The following ZNF750 variants were observed in gnomAD, a reference collection of about 807,000 sequenced individuals.
The protein encoded by ZNF750 is protein ZNF750.
ZNF750 carries 10 observed loss-of-function variants against 31.6 expected under a neutral mutation model. The observed-to-expected ratio is 0.32, with a 90% CI of 0.19 to 0.54. The LOEUF (loss-of-function observed/expected upper bound fraction) is 0.54, where lower values mean the gene tolerates loss of function less well. ZNF750 is among the 20% of genes least tolerant of loss of function. The pLI is 0.95. For synonymous variants in ZNF750, 400 were observed against 404.9 expected (o/e 0.99, Z 0.15); for missense variants, 914 against 934.9 (o/e 0.98, Z 0.29).
chr17:82,838,668 C>G, intron 1 of ZNF750: 2 of 985,442 alleles, frequency 2.0e-6, no homozygotes, highest in Non-Finnish European at 2.4e-6. Flanking sequence ...GACTGCCACT[C>G]CCTCCCAGCC....
intron 1 of ZNF750, among the ~76,000 whole-genome samples, chr17:82,836,722 CAAAA>C (rs869104270): frequency 7.2e-4 from 109 of 150,450 alleles, no homozygotes; most frequent in African/African-American, 2.5e-3. Context: ...AACCAAAAAA[CAAAA>C]AAACAAAAAA....
At chr17:82,834,395 A>G (rs1030184085) in intron 1 of ZNF750, among the ~76,000 whole-genome samples, 1 of 152,240 alleles carries the variant, frequency 6.6e-6, no homozygotes, top group Non-Finnish European at 1.5e-5. Flanking sequence ...ATTCGTATTA[A>G]AAATGTAAAA....
chr17:82,831,918 G>A lies in ZNF750; in HGVS notation c.537C>T (p.Pro179=), dbSNP rs948959982. 3.7e-6 allele frequency: 6 copies of A among 1,614,168 alleles called. No homozygotes were observed. Among genetic ancestry groups the A allele is most frequent in the Middle Eastern group, 1.6e-4 (1 of 6,062 alleles). ...TGGGGTTGTGTAAAGCCAGTGTCTC[G>A]GGCGCCTCGGCGTTGTCTGGCCCCT... ...RLKGPDNAEA[P]ETLALHNPTA... Residue 179 remains proline, a synonymous_variant, in exon 2 of 3, where the codon CCC becomes CCT. Coordinates refer to ENST00000269394, the MANE Select transcript of ZNF750 (RefSeq NM_024702.3). The surrounding 1 kb of genome is among the most constrained non-coding windows in gnomAD (Gnocchi z 4.6).
intron 1 of ZNF750, among the ~76,000 whole-genome samples, chr17:82,834,031 G>A (rs532184735): frequency 1.3e-5 from 2 of 151,862 alleles, no homozygotes; most frequent in East Asian, 3.9e-4. Flanking sequence ...TGCAACCTCC[G>A]CCTCCTGGGT....
chr17:82,830,703 C>G lies in ZNF750; in HGVS notation c.1611G>C (p.Gln537His), dbSNP rs1160343014. ...THEPTYQGSP[Q>H]AETASFSELQ... ...GCTCTGAGAAGCTGGCGGTTTCCGC[C>G]TGGGGGCTGCCTTGGTACGTGGGTT... Residue 537 changes from glutamine to histidine, a missense_variant, in exon 3 of 3, where the codon CAG becomes CAC. Coordinates refer to ENST00000269394, the MANE Select transcript of ZNF750 (RefSeq NM_024702.3). 1 of 1,614,058 alleles carries G rather than the reference C, an allele frequency of 6.2e-7. No individual in the cohort carries two copies. Among genetic ancestry groups the G allele is most frequent in the Admixed American group, 1.7e-5 (1 of 60,018 alleles).
chr17:82,831,573 G>A lies in ZNF750; in HGVS notation c.882C>T (p.His294=). ...FLPHPGPIPK[H]LAPSPATYDH... is the part of the protein sequence containing the mutation. ...CGTATGTGGCTGGAGATGGAGCCAG[G>A]TGCTTAGGGATCGGCCCCGGGTGAG... Residue 294 remains histidine, a synonymous_variant, in exon 2 of 3, where the codon CAC becomes CAT. Transcript: ENST00000269394. This position sits in a 1 kb window ranked among gnomAD's most constrained non-coding sequence, Gnocchi z 4.6. 4.3e-6 allele frequency: 7 copies of A among 1,614,186 alleles called. No homozygotes were observed. The South Asian group carries it at 7.7e-5, about 18-fold the overall frequency.
At position 82,832,678 on chromosome 17, in the gene ZNF750, G is replaced by A; in HGVS notation, c.-182-42C>T. On this transcript the variant is annotated intron_variant, in intron 1 of 2. Transcript: ENST00000269394. This position sits in a 1 kb window ranked among gnomAD's most constrained non-coding sequence, Gnocchi z 4.9. Reference sequence around the variant, plus strand: ...TCTTGGTGTCAGGACAGCGAGTGAGGGGTCGGCGAGAAGCCGGCCTCGGCT... The same window carrying A: ...TCTTGGTGTCAGGACAGCGAGTGAGAGGTCGGCGAGAAGCCGGCCTCGGCT... 1.7e-6 allele frequency: 1 copy of A among 586,088 alleles called. No homozygotes were observed. The highest frequency in any genetic ancestry group is 3.0e-6 in the Non-Finnish European group (1 of 330,572). The allele number at this position is 586,088 out of a possible 1,614,324, so 36.3% of individuals were successfully genotyped here.
At position 82,831,618 on chromosome 17, in the gene ZNF750, T is replaced by C. The variant is rs779034115; in HGVS notation, c.837A>G (p.Gln279=). The C allele has an allele frequency of 6.2e-7, 1 of 1,614,110 alleles. No individual in the cohort carries two copies. Among genetic ancestry groups the C allele is most frequent in the Non-Finnish European group, 8.5e-7 (1 of 1,180,010 alleles). Residue 279 remains glutamine, a synonymous_variant, in exon 2 of 3, where the codon CAA becomes CAG. Coordinates refer to ENST00000269394, the MANE Select transcript of ZNF750 (RefSeq NM_024702.3). This position sits in a 1 kb window ranked among gnomAD's most constrained non-coding sequence, Gnocchi z 4.6. Reference sequence around the variant, plus strand: ...GGTGAGGCAGGAAGTGTCTCGGGTCTTGGGTTCCGTAGACTGACAGCAGGG... The same window carrying C: ...GGTGAGGCAGGAAGTGTCTCGGGTCCTGGGTTCCGTAGACTGACAGCAGGG... The part of the protein sequence containing the change: ...DAPLLSVYGT[Q]DPRHFLPHPG...
chr17:82,839,195 CTGT>C, intron 1 of ZNF750, among the ~76,000 whole-genome samples: 1 of 152,318 alleles, frequency 6.6e-6, no homozygotes, highest in East Asian at 1.9e-4. Context: ...AAATTCGGCA[CTGT>C]CTAATGTGCA....
At chr17:82,834,572 A>AATGG (rs1261021270) in intron 1 of ZNF750, among the ~76,000 whole-genome samples, 1 of 152,146 alleles carries the variant, frequency 6.6e-6, no homozygotes, top group Non-Finnish European at 1.5e-5. Context: ...CGCAGGGAGA[A>AATGG]ATGGATGGAG....
In ZNF750 at chr17:82,831,216, C is replaced by G; in HGVS notation, c.1239G>C (p.Gly413=). The change falls in exon 2 of 3, where the codon GGG becomes GGC. Residue 413 remains glycine (G), a synonymous_variant. Coordinates refer to ENST00000269394, the MANE Select transcript of ZNF750 (RefSeq NM_024702.3). The surrounding 1 kb of genome is among the most constrained non-coding windows in gnomAD (Gnocchi z 4.6). ...RAGSAATGSP[G]RPSPTDFMQT... The stretch of plus-strand genomic sequence containing the variant: ...GCATGAAGTCGGTGGGGCTCGGCCT[C>G]CCTGGGGAGCCCGTGGCTGCACTCC... 1 of 1,614,002 alleles carries G rather than the reference C, an allele frequency of 6.2e-7. No homozygotes were observed. The highest frequency in any genetic ancestry group is 1.6e-4 in the Middle Eastern group (1 of 6,062).
rs1217991344 is a variant in ZNF750, at chr17:82,830,310, G to T, written c.2004C>A (p.Pro668=). The stretch of plus-strand genomic sequence containing the variant: ...CTTGGCTCTCCATGGAGCTCAGTGT[G>T]GGTGTGTCTTGCCGGCAGGCAGGTT... ...APEPACRQDT[P]TLSSMESQEA... Residue 668 remains proline, a synonymous_variant, in exon 3 of 3, where the codon CCC becomes CCA. Transcript: ENST00000269394. 6.2e-7 allele frequency: 1 copy of T among 1,614,098 alleles called. No homozygotes were observed. The highest frequency in any genetic ancestry group is 8.5e-7 in the Non-Finnish European group (1 of 1,180,060).
At position 82,831,309 on chromosome 17, in the gene ZNF750, A is replaced by G. The variant is rs1337342769; in HGVS notation, c.1146T>C (p.Pro382=). The change falls in exon 2 of 3, where the codon CCT becomes CCC. Residue 382 remains proline, a synonymous_variant. Coordinates refer to ENST00000269394, the MANE Select transcript of ZNF750 (RefSeq NM_024702.3). The surrounding 1 kb of genome is among the most constrained non-coding windows in gnomAD (Gnocchi z 4.6). The part of the protein sequence containing the change: ...RKHVEFESPI[P]EAKDSSKAGQ... ...CAGCCTTGGAGGAGTCTTTAGCCTC[A>G]GGAATTGGACTTTCGAACTCGACGT... The G allele has an allele frequency of 1.9e-6, 3 of 1,613,854 alleles. No individual in the cohort carries two copies. The African/African-American group carries it at 4.0e-5, about 22-fold the overall frequency.
chr17:82,834,958 G>T (rs2053843530), intron 1 of ZNF750, among the ~76,000 whole-genome samples: 2 of 152,138 alleles, frequency 1.3e-5, no homozygotes, highest in South Asian at 4.2e-4. Context: ...AGCACTTTGG[G>T]AGGCCGAGGT....
At chr17:82,838,662 G>A (rs2145405997) in intron 1 of ZNF750, 1 of 985,426 alleles carries the variant, frequency 1.0e-6, no homozygotes, top group East Asian at 1.1e-4. Context: ...GTGATTGACT[G>A]CCACTCCCTC....
At chr17:82,838,005 T>G (rs2054130957) in intron 1 of ZNF750, among the ~76,000 whole-genome samples, 1 of 152,236 alleles carries the variant, frequency 6.6e-6, no homozygotes, top group Non-Finnish European at 1.5e-5. Context: ...ACTCTGTGCC[T>G]TTCTAAATAT....
chr17:82,837,598 A>T (rs1249362023), intron 1 of ZNF750, among the ~76,000 whole-genome samples: 1 of 152,088 alleles, frequency 6.6e-6, no homozygotes, highest in Non-Finnish European at 1.5e-5. Context: ...TTCATTTGAG[A>T]ACTGCAGTGC....
intron 1 of ZNF750, among the ~76,000 whole-genome samples, chr17:82,839,361 A>G (rs556637344): frequency 1.1e-4 from 17 of 152,152 alleles, no homozygotes; most frequent in African/African-American, 2.9e-4. Flanking sequence ...ACATATATAT[A>G]ACCCTAAATT....
In ZNF750 at chr17:82,830,358, G is replaced by A; in HGVS notation, c.1956C>T (p.Gly652=). The change falls in exon 3 of 3, where the codon GGC becomes GGT. Residue 652 remains glycine (G), a synonymous_variant. Transcript: ENST00000269394. The stretch of plus-strand genomic sequence containing the variant: ...GTTCCGGGGCCGCAGCATCCCCATC[G>A]CCCACCCGGATGTTCCTGGGGCTGT... ...AAYSPRNIRV[G]DGDAAAPEPA... is the part of the protein sequence containing the mutation. The A allele has an allele frequency of 6.2e-7, 1 of 1,613,328 alleles. No individual in the cohort carries two copies.
Sources: allele counts gnomAD v4.1 joint callset (sites outside exome capture counted in the v4.1 genomes callset), GRCh38; gene constraint gnomAD v4.1.1; non-coding constraint Gnocchi (gnomAD v3.1); transcripts MANE v1.5; gene names NCBI Gene and HGNC (gene_info 2026-07-23, HGNC 2026-07-21).